DNAH14: variants seen among roughly 807,000 people sequenced by gnomAD.
The protein encoded by DNAH14 is axonemal beta dynein heavy chain 14.
A neutral mutation model predicts 520.9 loss-of-function variants in DNAH14; 478 were observed. The observed-to-expected ratio is 0.92, with a 90% CI of 0.85 to 0.99. DNAH14 has a LOEUF of 0.99. Ranked by LOEUF, DNAH14 falls within the 50% of genes least tolerant of loss-of-function variation. DNAH14 has a pLI of 0.00. For synonymous variants in DNAH14, 1,581 were observed against 1,757.2 expected, an observed-to-expected ratio of 0.90 and a Z score of 2.51; for missense variants, 4,831 against 5,234.5, an observed-to-expected ratio of 0.92 and a Z score of 2.38.
At chr1:225,353,713 T>A (rs1049386465) in intron 72 of DNAH14, 90 bp from the exon 73 acceptor site, 11 of 753,202 alleles carry the variant, frequency 1.5e-5, no homozygotes, top group Non-Finnish European at 2.0e-5. Context: ...AAAGTCACAA[T>A]TTTATGACAG....
At chr1:224,929,872 G>C in intron 1 of DNAH14, 37 bp downstream of exon 1, 1 of 630,948 alleles carries the variant, frequency 1.6e-6, no homozygotes, top group East Asian at 2.9e-5. Flanking sequence ...GCGGTCGGCA[G>C]AGCCTCGGCG....
intron 84 of DNAH14, among the ~76,000 whole-genome samples, chr1:225,395,190 A>T (rs866810942): frequency 2.2e-4 from 34 of 152,368 alleles, no homozygotes; most frequent in Middle Eastern, 6.8e-3. Context: ...AGATTATCAC[A>T]TAATTTATCA....
intron 48 of DNAH14, 93 bp from the exon 49 acceptor site, chr1:225,266,531 CATAGCATAATATTCCTA>C: frequency 1.3e-6 from 1 of 748,402 alleles, no homozygotes; most frequent in Admixed American, 4.1e-5. Context: ...GTGCTTACTC[CATAGCATAATATTCCTA>C]ATTTGTGCTT....
chr1:225,300,475 T>C (rs1403455623), intron 55 of DNAH14, among the ~76,000 whole-genome samples: 1 of 152,178 alleles, frequency 6.6e-6, no homozygotes, highest in African/African-American at 2.4e-5. Context: ...TCCCAGCACT[T>C]TGAGAGACCA....
At position 225,334,978 on chromosome 1, in the gene DNAH14, A is replaced by G. The variant is rs542124581; in HGVS notation, c.10080+1472A>G. 4.6e-5 allele frequency among the ~76,000 whole-genome samples: 7 copies of G among 150,602 alleles called. No homozygotes were observed. The East Asian group carries it at 1.2e-3, about 25-fold the overall frequency. ...CCTCAAGCAATCCTCAAGTTATAAG[A>G]CTATACATATATACTATATATACGC... is the stretch of plus-strand genomic sequence containing the variant. On this transcript the variant is annotated intron_variant, in intron 66 of 85. Transcript: ENST00000682510.
intron 10 of DNAH14, among the ~76,000 whole-genome samples, chr1:225,008,575 C>CTTTTTTTTTTTTTTT (rs57331050): frequency 4.1e-5 from 4 of 98,316 alleles, no homozygotes; most frequent in African/African-American, 1.2e-4. Context: ...TTTTTCCTGA[C>CTTTTTTTTTTTTTTT]TTTTTTTTTT....
chr1:225,193,698 AG>A (rs1237063197), intron 38 of DNAH14, among the ~76,000 whole-genome samples: 1 of 152,188 alleles, frequency 6.6e-6, no homozygotes, highest in African/African-American at 2.4e-5. Flanking sequence ...ATTCCTAGCC[AG>A]AGCAATCAGG....
At chr1:225,131,866 A>G (rs2078457876) in intron 27 of DNAH14, among the ~76,000 whole-genome samples, 1 of 152,148 alleles carries the variant, frequency 6.6e-6, no homozygotes, top group Non-Finnish European at 1.5e-5. Context: ...CATGTGTAGA[A>G]TAAGAGAAGA....
At chr1:225,326,808 G>A (rs1247741222) in intron 64 of DNAH14, among the ~76,000 whole-genome samples, 1 of 151,854 alleles carries the variant, frequency 6.6e-6, no homozygotes, top group Non-Finnish European at 1.5e-5. Context: ...TGAAGGATAT[G>A]CCCTGTTTTC....
At chr1:224,961,666 C>T (rs2060853106) in intron 4 of DNAH14, among the ~76,000 whole-genome samples, 1 of 152,142 alleles carries the variant, frequency 6.6e-6, no homozygotes, top group South Asian at 2.1e-4. Flanking sequence ...ACTTACTCCA[C>T]CTGGTCCCAC....
chr1:225,328,702 T>C (rs1297754342), intron 64 of DNAH14, among the ~76,000 whole-genome samples: 2 of 152,124 alleles, frequency 1.3e-5, no homozygotes, highest in African/African-American at 4.8e-5. Context: ...ACATTACCTT[T>C]GGGGACTGCA....
At chr1:225,374,603 T>G in intron 77 of DNAH14, 85 bp from the exon 78 acceptor site, 1 of 1,191,902 alleles carries the variant, frequency 8.4e-7, no homozygotes, top group Non-Finnish European at 1.1e-6. Context: ...TGTAGCTGTT[T>G]GAGAGTTGAT....
intron 74 of DNAH14, 66 bp from the exon 75 acceptor site, chr1:225,360,614 AT>A: frequency 7.4e-7 from 1 of 1,353,686 alleles, no homozygotes. Flanking sequence ...TAAATGCTGG[AT>A]TGTGATTTTT....
At chr1:225,330,957 TA>T (rs1045263778) in intron 64 of DNAH14, among the ~76,000 whole-genome samples, 1 of 151,952 alleles carries the variant, frequency 6.6e-6, no homozygotes, top group Non-Finnish European at 1.5e-5. Context: ...AAAATAAAAA[TA>T]AAAAATAATT....
Position 225,377,274 on chromosome 1 carries a change from A to C in DNAH14, c.12554A>C (p.Asp4185Ala). ...GTTCCAGGATCTGCAAGCATAAAGG[A>C]CTACATACACATTATCCAGTCCTTA... ...LPVPGSASIKDYIHIIQSLPD... is the reference protein window; with the variant it reads ...LPVPGSASIKAYIHIIQSLPD... The change falls in exon 79 of 86, where the codon GAC (aspartate) becomes GCC (alanine). Residue 4185 changes from aspartate to alanine, a missense_variant. Asp to Ala is a moderately radical substitution (Grantham distance 126, BLOSUM62 -2). Transcript: ENST00000682510. 2 of 1,498,278 alleles carry C rather than the reference A, an allele frequency of 1.3e-6. No individual in the cohort carries two copies. Among genetic ancestry groups the C allele is most frequent in the South Asian group, 2.7e-5 (2 of 74,590 alleles). The allele number at this position is 1,498,278 out of a possible 1,614,324, so 92.8% of individuals were successfully genotyped here.
chr1:224,983,014 T>C (rs74562775), intron 8 of DNAH14, among the ~76,000 whole-genome samples: 1 of 152,214 alleles, frequency 6.6e-6, no homozygotes, highest in Admixed American at 6.5e-5. Flanking sequence ...TTGTTGACTT[T>C]CTGTTTTGAT....
intron 17 of DNAH14, among the ~76,000 whole-genome samples, chr1:225,076,133 A>C (rs1358176770): frequency 1.3e-5 from 2 of 152,200 alleles, no homozygotes; most frequent in Admixed American, 1.3e-4. Context: ...GCCTGGGGTC[A>C]CTGGGCTTAG....
At chr1:225,344,692 T>TTTATTTATTTACTTAC (rs1336093016) in intron 69 of DNAH14, among the ~76,000 whole-genome samples, 4 of 11,312 alleles carry the variant, frequency 3.5e-4, no homozygotes, top group East Asian at 1.8e-3. Flanking sequence ...TAGCCATTCT[T>TTTATTTATTTACTTAC]TTATTTATTT....
At chr1:225,024,339 G>A in intron 11 of DNAH14, 2 of 831,728 alleles carry the variant, frequency 2.4e-6, no homozygotes, top group Non-Finnish European at 2.9e-6. Flanking sequence ...TTTTCCCAAT[G>A]AAAAAACTAT....
Sources: gnomAD v4.1 joint callset for allele counts (sites outside exome capture counted in the v4.1 genomes callset) on GRCh38, gnomAD v4.1.1 for gene constraint, MANE v1.5 for transcripts, NCBI Gene and HGNC (gene_info 2026-07-23, HGNC 2026-07-21) for gene names.